The following PITPNM2 variants were observed in gnomAD, a reference collection of about 807,000 sequenced individuals.
The protein encoded by PITPNM2 is phosphatidylinositol transfer protein membrane associated 2, also known as membrane-associated phosphatidylinositol transfer protein 2.
In PITPNM2, 35 loss-of-function variants were observed where a neutral mutation model predicts 132.2. The ratio of observed to expected loss-of-function variants is 0.26; its 90% CI spans 0.20 to 0.35. PITPNM2 has a LOEUF of 0.35. Ranked by LOEUF, PITPNM2 falls within the 10% of genes least tolerant of loss-of-function variation. PITPNM2 has a pLI of 1.00. For synonymous variants in PITPNM2, 738 were observed against 799.2 expected (o/e 0.92, Z 1.29); for missense variants, 1,332 against 1,912.0 (o/e 0.70, Z 5.66).
intron 1 of PITPNM2, among the ~76,000 whole-genome samples, chr12:123,113,487 C>T (rs193122973): frequency 6.6e-6 from 1 of 152,244 alleles, no homozygotes; most frequent in Admixed American, 6.5e-5. Context: ...ATCATTTGAG[C>T]TCAGGAGTTC....
chr12:123,127,834 C>G (rs1411456398), intron 1 of PITPNM2, among the ~76,000 whole-genome samples: 2 of 152,142 alleles, frequency 1.3e-5, no homozygotes, highest in African/African-American at 4.8e-5. Context: ...TGGTATCAAT[C>G]TCCTGACCTC....
At chr12:123,072,225 A>G (rs1452859076) in intron 2 of PITPNM2, among the ~76,000 whole-genome samples, 2 of 152,162 alleles carry the variant, frequency 1.3e-5, no homozygotes, top group Non-Finnish European at 1.5e-5. Context: ...GAGGGCATCC[A>G]TCGCTAACTC....
Position 123,004,557 on chromosome 12 carries a change from C to T in PITPNM2, c.953-68G>A. The T allele has an allele frequency of 6.6e-7, 1 of 1,516,712 alleles. No individual in the cohort carries two copies. The highest frequency in any genetic ancestry group is 1.7e-5 in the Admixed American group (1 of 58,054). 94.0% of individuals were successfully genotyped at this position (1,516,712 alleles called of 1,614,324 possible). On this transcript the variant is annotated intron_variant, in intron 7 of 25. Transcript: ENST00000320201. The surrounding 1 kb of genome is among the most constrained non-coding windows in gnomAD (Gnocchi z 4.9). ...GGGCCCAGAGGCTGCCCTGAGCCGG[C>T]AGGAGGCAGGGAGGGCCACCCACAG...
At chr12:122,998,418 C>T (rs1007393803) in intron 10 of PITPNM2, among the ~76,000 whole-genome samples, 8 of 152,118 alleles carry the variant, frequency 5.3e-5, no homozygotes, top group Admixed American at 2.0e-4. Flanking sequence ...CATAGCGTGT[C>T]GGTGCCAGGC....
chr12:123,035,761 G>A (rs1015519929), intron 2 of PITPNM2, among the ~76,000 whole-genome samples: 2 of 152,186 alleles, frequency 1.3e-5, no homozygotes, highest in Non-Finnish European at 2.9e-5. Flanking sequence ...CCAGATGGCT[G>A]AAGCTTTGCC....
At chr12:122,990,809 T>C in intron 16 of PITPNM2, 100 bp from the exon 17 acceptor site, 1 of 1,316,700 alleles carries the variant, frequency 7.6e-7, no homozygotes. Context: ...GCACCTAGAC[T>C]GGAGGCTGGG....
rs2038236389 is a variant in PITPNM2, at chr12:122,992,479, G to A, written c.2404+20C>T. The stretch of plus-strand genomic sequence containing the variant: ...TACCCCACCTTCCCCCAGAGGAGTG[G>A]GGCGGAATGTGCCTCTCACCCAGCA... On this transcript the variant is annotated intron_variant, in intron 16 of 25. Transcript: ENST00000320201. The surrounding 1 kb of genome is among the most constrained non-coding windows in gnomAD (Gnocchi z 6.5). 6.2e-7 allele frequency: 1 copy of A among 1,602,172 alleles called. No individual in the cohort carries two copies. The highest frequency in any genetic ancestry group is 2.3e-5 in the East Asian group (1 of 43,998).
chr12:123,128,486 G>A (rs2043195312), intron 1 of PITPNM2, among the ~76,000 whole-genome samples: 1 of 149,486 alleles, frequency 6.7e-6, no homozygotes, highest in Admixed American at 6.7e-5. Context: ...AGGCGCAGTG[G>A]CTCATGCCTG....
At chr12:123,122,903 A>C (rs1566302126) in intron 1 of PITPNM2, among the ~76,000 whole-genome samples, 1 of 152,242 alleles carries the variant, frequency 6.6e-6, no homozygotes, top group Non-Finnish European at 1.5e-5. Context: ...GTTGAAAACC[A>C]CTGCCTCGCA....
At chr12:123,038,444 C>T (rs777547614) in intron 2 of PITPNM2, among the ~76,000 whole-genome samples, 1 of 152,170 alleles carries the variant, frequency 6.6e-6, no homozygotes, top group Non-Finnish European at 1.5e-5. Context: ...TGCTGAGCCT[C>T]GGTCTCTCCA....
chr12:122,994,984 A>T lies in PITPNM2; in HGVS notation c.2055-5T>A. 1 of 1,598,406 alleles carries T rather than the reference A, an allele frequency of 6.3e-7. No homozygotes were observed. The highest frequency in any genetic ancestry group is 1.1e-5 in the South Asian group (1 of 89,560). On this transcript the variant is annotated splice_polypyrimidine_tract_variant and splice_region_variant and intron_variant, in intron 14 of 25. Transcript: ENST00000320201. The surrounding 1 kb of genome is among the most constrained non-coding windows in gnomAD (Gnocchi z 5.4). ...CTCAGCACGCTGGCATGGAGGCTGC[A>T]GACCCAAATAAGACTTAGCTGTCAT... is the stretch of plus-strand genomic sequence containing the variant.
chr12:123,042,938 G>A (rs189857803), intron 2 of PITPNM2, among the ~76,000 whole-genome samples: 50 of 152,168 alleles, frequency 3.3e-4, no homozygotes, highest in African/African-American at 1.2e-3. Context: ...TTGCAGGAGT[G>A]TGTGGCTGCT....
At chr12:123,038,052 G>A (rs931645654) in intron 2 of PITPNM2, among the ~76,000 whole-genome samples, 1 of 152,216 alleles carries the variant, frequency 6.6e-6, no homozygotes, top group African/African-American at 2.4e-5. Flanking sequence ...CTGGCACCTG[G>A]GTGGAGTGGG....
chr12:122,998,873 G>A (rs1204498947), intron 10 of PITPNM2, among the ~76,000 whole-genome samples: 2 of 152,176 alleles, frequency 1.3e-5, no homozygotes, highest in African/African-American at 4.8e-5. Flanking sequence ...AGCACTTTGG[G>A]AGGCCGAGGC....
intron 2 of PITPNM2, among the ~76,000 whole-genome samples, chr12:123,041,327 TG>T (rs1020156578): frequency 6.6e-5 from 10 of 152,162 alleles, no homozygotes; most frequent in Non-Finnish European, 1.0e-4. Context: ...ATAGGGCCTG[TG>T]GGCTTCCTGG....
intron 2 of PITPNM2, among the ~76,000 whole-genome samples, chr12:123,054,303 C>T (rs1195426643): frequency 6.6e-6 from 1 of 152,104 alleles, no homozygotes; most frequent in Non-Finnish European, 1.5e-5. Flanking sequence ...TTCACTACAC[C>T]TTTTCAGGAT....
chr12:123,123,158 C>A (rs941543054), intron 1 of PITPNM2, among the ~76,000 whole-genome samples: 1 of 152,202 alleles, frequency 6.6e-6, no homozygotes, highest in Non-Finnish European at 1.5e-5. Context: ...CCTGGTTTAA[C>A]ACATGATGGT....
chr12:122,994,865 G>A lies in PITPNM2; in HGVS notation c.2169C>T (p.Phe723=), dbSNP rs1459912173. The change falls in exon 15 of 26, where the codon TTC becomes TTT. Residue 723 remains phenylalanine, a synonymous_variant. Transcript: ENST00000320201. This position sits in a 1 kb window ranked among gnomAD's most constrained non-coding sequence, Gnocchi z 5.4. ...GRFDFEITDL[F]LFGCPLGLVL... ...CCAGCCCCAGCGGGCACCCGAAGAGGAAGAGGTCGGTGATCTCAAAGTCAA... is the reference window on the plus strand; with the variant it reads ...CCAGCCCCAGCGGGCACCCGAAGAGAAAGAGGTCGGTGATCTCAAAGTCAA... 6.2e-7 allele frequency: 1 copy of A among 1,612,276 alleles called. No homozygotes were observed. Among genetic ancestry groups the A allele is most frequent in the East Asian group, 2.2e-5 (1 of 44,864 alleles).
intron 2 of PITPNM2, among the ~76,000 whole-genome samples, chr12:123,040,840 T>C (rs1473365020): frequency 6.6e-6 from 1 of 152,218 alleles, no homozygotes. Context: ...ATGTAGAACA[T>C]GATACTTTTT....
Sources: gnomAD v4.1 joint callset for allele counts (sites outside exome capture counted in the v4.1 genomes callset) on GRCh38, gnomAD v4.1.1 for gene constraint, Gnocchi (gnomAD v3.1) non-coding constraint, MANE v1.5 for transcripts, NCBI Gene and HGNC (gene_info 2026-07-23, HGNC 2026-07-21) for gene names.